Variants in GPC5 observed in about 807,000 individuals in gnomAD.
The protein encoded by GPC5 is glypican 5, also known as glypican-5.
A neutral mutation model predicts 53.9 loss-of-function variants in GPC5; 47 were observed. The observed-to-expected ratio is 0.87, with a 90% CI of 0.69 to 1.11. The LOEUF is 1.11. GPC5 is among the 50% of genes most tolerant of loss of function. The pLI is 0.00. For synonymous variants in GPC5, 286 were observed against 263.3 expected (o/e 1.09, Z -0.84); for missense variants, 748 against 713.1 (o/e 1.05, Z -0.56).
chr13:92,026,065 C>T (rs544882837), intron 6 of GPC5, among the ~76,000 whole-genome samples: 1 of 152,154 alleles, frequency 6.6e-6, no homozygotes, highest in East Asian at 1.9e-4. Flanking sequence ...AGAATTGTAA[C>T]AAAAATGATT....
intron 6 of GPC5, among the ~76,000 whole-genome samples, chr13:92,134,020 G>A (rs1217267370): frequency 1.3e-5 from 2 of 152,086 alleles, no homozygotes; most frequent in Non-Finnish European, 2.9e-5. Flanking sequence ...ACTGGGAAAT[G>A]CATGCAAAAT....
intron 7 of GPC5, among the ~76,000 whole-genome samples, chr13:92,396,959 G>C (rs993795404): frequency 2.3e-4 from 35 of 152,216 alleles, no homozygotes; most frequent in Admixed American, 2.0e-3. Context: ...AAAACACTCT[G>C]GGCATATTTC....
At chr13:92,391,921 A>G (rs1465681876) in intron 7 of GPC5, among the ~76,000 whole-genome samples, 2 of 152,222 alleles carry the variant, frequency 1.3e-5, no homozygotes, top group African/African-American at 2.4e-5. Context: ...TTTGGTGGCA[A>G]TCAGGCTATA....
chr13:92,108,801 A>G (rs2041529817), intron 6 of GPC5, among the ~76,000 whole-genome samples: 1 of 152,152 alleles, frequency 6.6e-6, no homozygotes, highest in Non-Finnish European at 1.5e-5. Context: ...CTTTAATAGC[A>G]TCATACTTGT....
intron 7 of GPC5, among the ~76,000 whole-genome samples, chr13:92,195,711 T>A (rs2042252099): frequency 6.6e-6 from 1 of 152,226 alleles, no homozygotes; most frequent in Non-Finnish European, 1.5e-5. Context: ...TCAGTTTTGA[T>A]GAACAGTGAC....
chr13:92,331,294 A>G (rs1257716534), intron 7 of GPC5, among the ~76,000 whole-genome samples: 1 of 152,144 alleles, frequency 6.6e-6, no homozygotes, highest in Admixed American at 6.6e-5. Flanking sequence ...TTATTACAAA[A>G]TGCTTCCAGT....
chr13:92,647,685 G>A (rs1337087728), intron 7 of GPC5, among the ~76,000 whole-genome samples: 1 of 152,044 alleles, frequency 6.6e-6, no homozygotes, highest in African/African-American at 2.4e-5. Context: ...GTACATTATA[G>A]AATCAAAGGC....
intron 7 of GPC5, among the ~76,000 whole-genome samples, chr13:92,472,654 C>T (rs1594231220): frequency 6.6e-6 from 1 of 152,012 alleles, no homozygotes; most frequent in African/African-American, 2.4e-5. Context: ...TTTTGTTGCT[C>T]ATTTGTAGAT....
intron 6 of GPC5, among the ~76,000 whole-genome samples, chr13:92,017,665 A>AC (rs2040718757): frequency 1.3e-5 from 2 of 152,182 alleles, no homozygotes; most frequent in African/African-American, 4.8e-5. Flanking sequence ...TAATCAGTGC[A>AC]CAGTGCCTTT....
At chr13:92,861,057 T>C (rs1445254993) in intron 7 of GPC5, among the ~76,000 whole-genome samples, 5 of 152,040 alleles carry the variant, frequency 3.3e-5, no homozygotes, top group African/African-American at 4.8e-5. Flanking sequence ...TGAAAGTATA[T>C]ATATACATGT....
At chr13:92,479,750 C>T (rs1181188794) in intron 7 of GPC5, among the ~76,000 whole-genome samples, 1 of 152,122 alleles carries the variant, frequency 6.6e-6, no homozygotes, top group African/African-American at 2.4e-5. Flanking sequence ...GGGGCTCTAG[C>T]ACACAAAGTG....
At chr13:92,252,462 A>G (rs2042699050) in intron 7 of GPC5, among the ~76,000 whole-genome samples, 1 of 152,092 alleles carries the variant, frequency 6.6e-6, no homozygotes, top group South Asian at 2.1e-4. Context: ...CTAGAAAAAA[A>G]TACTTTTTTA....
chr13:92,243,801 C>A (rs1234923834), intron 7 of GPC5, among the ~76,000 whole-genome samples: 1 of 151,934 alleles, frequency 6.6e-6, no homozygotes, highest in Non-Finnish European at 1.5e-5. Flanking sequence ...CTTTTTAAAA[C>A]CTGAGAGTAG....
chr13:92,048,835 G>A (rs954945789), intron 6 of GPC5, among the ~76,000 whole-genome samples: 3 of 152,078 alleles, frequency 2.0e-5, no homozygotes, highest in Admixed American at 6.6e-5. Flanking sequence ...TGTTTATAAT[G>A]TTGACCAAAA....
intron 5 of GPC5, among the ~76,000 whole-genome samples, chr13:91,882,306 A>G (rs537078727): frequency 2.6e-5 from 4 of 152,232 alleles, no homozygotes; most frequent in African/African-American, 9.6e-5. Context: ...TGCTTCACAT[A>G]TTCTTGTATA....
intron 5 of GPC5, among the ~76,000 whole-genome samples, chr13:91,783,517 T>C (rs2037830729): frequency 6.6e-6 from 1 of 152,158 alleles, no homozygotes; most frequent in African/African-American, 2.4e-5. Flanking sequence ...AACTGCAACC[T>C]CCTTCTCCTG....
intron 1 of GPC5, among the ~76,000 whole-genome samples, chr13:91,419,418 A>T (rs1878453551): frequency 6.6e-6 from 1 of 152,214 alleles, no homozygotes; most frequent in Non-Finnish European, 1.5e-5. Flanking sequence ...TAACGCCTCA[A>T]CACTTTCTGC....
chr13:91,837,829 C>G (rs1209953105), intron 5 of GPC5, among the ~76,000 whole-genome samples: 2 of 152,016 alleles, frequency 1.3e-5, no homozygotes, highest in Non-Finnish European at 2.9e-5. Context: ...GTCTGAATCT[C>G]AAGAGAGAAA....
chr13:91,671,474 G>A (rs2035241276), intron 2 of GPC5, among the ~76,000 whole-genome samples: 1 of 151,772 alleles, frequency 6.6e-6, no homozygotes, highest in South Asian at 2.1e-4. Flanking sequence ...GAATTTTTGG[G>A]GCTGAGATTA....
Sources: gnomAD v4.1 joint callset for allele counts (sites outside exome capture counted in the v4.1 genomes callset) on GRCh38, gnomAD v4.1.1 for gene constraint, MANE v1.5 for transcripts, NCBI Gene and HGNC (gene_info 2026-07-23, HGNC 2026-07-21) for gene names.